MOB1B: variants seen among roughly 807,000 people sequenced by gnomAD.
MOB1B encodes MOB kinase activator 1B, also known as MOB1 Mps One Binder homolog B.
A neutral mutation model predicts 24.4 loss-of-function variants in MOB1B; 19 were observed. That is an observed-to-expected ratio of 0.78 (90% CI 0.54 to 1.14). The LOEUF (loss-of-function observed/expected upper bound fraction) is 1.14, where lower values mean the gene tolerates loss of function less well. Ranked by LOEUF, MOB1B falls within the 50% of genes most tolerant of loss-of-function variation. The pLI is 0.00. For missense variants in MOB1B, 243 were observed against 259.6 expected (o/e 0.94, Z 0.44); for synonymous variants, 76 against 82.1 (o/e 0.93, Z 0.40).
At chr4:70,938,828 A>G (rs1318172013) in intron 1 of MOB1B, among the ~76,000 whole-genome samples, 1 of 141,410 alleles carries the variant, frequency 7.1e-6, no homozygotes, top group Non-Finnish European at 1.5e-5. Flanking sequence ...CCCAGGCTGG[A>G]GTGCAATGGC....
intron 1 of MOB1B, among the ~76,000 whole-genome samples, chr4:70,946,084 C>CTTTTTTTTTTTTTTT (rs11331194): frequency 2.3e-5 from 2 of 85,394 alleles, no homozygotes; most frequent in Non-Finnish European, 4.8e-5. Context: ...TTTGTTTGTT[C>CTTTTTTTTTTTTTTT]TTTTTTTTTT....
In MOB1B at chr4:70,983,602, T is replaced by C. The variant is rs1237355509; in HGVS notation, c.*1545T>C. On this transcript the variant is annotated 3_prime_UTR_variant, in exon 6 of 6. Coordinates refer to ENST00000309395, the MANE Select transcript of MOB1B (RefSeq NM_173468.4). ...TCCTTCAGTTGAAACATATACCTTT[T>C]TCACATCTAGGAAGAAATGCTTGCT... is the stretch of plus-strand genomic sequence containing the variant. 1.3e-5 allele frequency: 2 copies of C among 152,556 alleles called. No homozygotes were observed. The highest frequency in any genetic ancestry group is 2.4e-5 in the African/African-American group (1 of 41,444). 9.5% of individuals were successfully genotyped at this position (152,556 alleles called of 1,614,324 possible).
intron 1 of MOB1B, among the ~76,000 whole-genome samples, chr4:70,920,851 G>A (rs576797909): frequency 1.3e-5 from 2 of 152,296 alleles, no homozygotes; most frequent in South Asian, 2.1e-4. Context: ...TAAAGTATCA[G>A]GAGGCCTAAA....
intron 1 of MOB1B, among the ~76,000 whole-genome samples, chr4:70,911,018 C>A (rs1421827949): frequency 1.3e-5 from 2 of 152,158 alleles, no homozygotes; most frequent in Non-Finnish European, 2.9e-5. Context: ...GAACTCCTGA[C>A]CTTGTGATCC....
intron 1 of MOB1B, among the ~76,000 whole-genome samples, chr4:70,929,182 CTTTTTTTT>C (rs11362114): frequency 1.1e-5 from 1 of 95,134 alleles, no homozygotes; most frequent in African/African-American, 3.4e-5. Flanking sequence ...TTCTTTCTTT[CTTTTTTTT>C]TTTTTTTTTT....
At position 70,985,547 on chromosome 4, in the gene MOB1B, GGAGTCTT is replaced by G. The variant is rs908775971; in HGVS notation, c.*3492_*3498del. On this transcript the variant is annotated 3_prime_UTR_variant, in exon 6 of 6. Coordinates refer to ENST00000309395, the MANE Select transcript of MOB1B (RefSeq NM_173468.4). ...TTTTTTATTTTTATTTCTTTAAGAT[GGAGTCTT>G]GCTCTGTTGCCCGGGCTGGAGTACA... 3 of 151,264 alleles carry G rather than the reference GGAGTCTT, an allele frequency of 2.0e-5. No individual in the cohort carries two copies. The highest frequency in any genetic ancestry group is 7.3e-5 in the African/African-American group (3 of 41,120). The allele number at this position is 151,264 out of a possible 1,614,324, so 9.4% of individuals were successfully genotyped here.
chr4:70,958,341 A>G (rs189507166), intron 1 of MOB1B, among the ~76,000 whole-genome samples: 23 of 151,494 alleles, frequency 1.5e-4, no homozygotes, highest in Admixed American at 3.3e-4. Flanking sequence ...ATTTTTTTGC[A>G]TTTTTAGTAG....
At chr4:70,954,063 CA>C (rs1553937194) in intron 1 of MOB1B, among the ~76,000 whole-genome samples, 2 of 152,064 alleles carry the variant, frequency 1.3e-5, no homozygotes, top group South Asian at 2.1e-4. Context: ...AGCACCCCCC[CA>C]AAAAAAGAAA....
chr4:70,910,729 A>G (rs900138793), intron 1 of MOB1B, among the ~76,000 whole-genome samples: 6 of 152,010 alleles, frequency 3.9e-5, no homozygotes, highest in Admixed American at 2.0e-4. Context: ...AATAAAAATC[A>G]CTCATAATCA....
At position 70,907,371 on chromosome 4, in the gene MOB1B, T is replaced by C. The variant is rs572966944; in HGVS notation, c.14+4821T>C. 7.4e-4 allele frequency among the ~76,000 whole-genome samples: 112 copies of C among 152,270 alleles called. 2 individuals carry two copies. Among genetic ancestry groups the C allele is most frequent in the African/African-American group, 2.2e-3 (90 of 41,552 alleles). ...CATTCAAAAAGTATATTTCATGTTC[T>C]CTTAAGTTTCTAGCATTTTTAAATT... On this transcript the variant is annotated intron_variant, in intron 1 of 5. Coordinates refer to ENST00000309395, the MANE Select transcript of MOB1B (RefSeq NM_173468.4).
chr4:70,983,971 A>C lies in MOB1B; in HGVS notation c.*1914A>C, dbSNP rs1235411650. 6.6e-6 allele frequency: 1 copy of C among 152,560 alleles called. No individual in the cohort carries two copies. The highest frequency in any genetic ancestry group is 1.5e-5 in the Non-Finnish European group (1 of 67,964). The allele number at this position is 152,560 out of a possible 1,614,324, so 9.5% of individuals were successfully genotyped here. On this transcript the variant is annotated 3_prime_UTR_variant, in exon 6 of 6. Transcript: ENST00000309395. ...AAATAAAATTTGTGAGGTGATTTTG[A>C]ATCTTGTCCATATAGGAAAATGAAG...
At chr4:70,907,049 A>T (rs1379900216) in intron 1 of MOB1B, among the ~76,000 whole-genome samples, 1 of 152,218 alleles carries the variant, frequency 6.6e-6, no homozygotes, top group African/African-American at 2.4e-5. Flanking sequence ...ACAAGGGGAA[A>T]TGGGAGAGTA....
intron 3 of MOB1B, among the ~76,000 whole-genome samples, chr4:70,974,214 G>C (rs1002188652): frequency 1.3e-5 from 2 of 151,828 alleles, no homozygotes; most frequent in African/African-American, 4.8e-5. Context: ...GCTGGAATGG[G>C]CACCATCTTG....
chr4:70,928,857 A>G (rs141911441), intron 1 of MOB1B, among the ~76,000 whole-genome samples: 68 of 151,788 alleles, frequency 4.5e-4, no homozygotes, highest in African/African-American at 1.6e-3. Flanking sequence ...CAAAATGCCG[A>G]TATTACTGGC....
At chr4:70,950,158 G>T (rs764641592) in intron 1 of MOB1B, among the ~76,000 whole-genome samples, 1 of 152,042 alleles carries the variant, frequency 6.6e-6, no homozygotes, top group South Asian at 2.1e-4. Context: ...GCTTTAGGCC[G>T]AGTGCTGTGG....
intron 1 of MOB1B, among the ~76,000 whole-genome samples, chr4:70,957,628 TGGAG>T (rs1363255056): frequency 6.6e-6 from 1 of 152,002 alleles, no homozygotes; most frequent in Non-Finnish European, 1.5e-5. Context: ...TTTTTAGAGA[TGGAG>T]GGAGTCTCAT....
At chr4:70,937,261 T>C (rs1376381367) in intron 1 of MOB1B, among the ~76,000 whole-genome samples, 2 of 151,842 alleles carry the variant, frequency 1.3e-5, no homozygotes, top group African/African-American at 4.8e-5. Flanking sequence ...ATCTTTTATA[T>C]GGGACTTCTT....
chr4:70,953,186 G>T (rs1027950308), intron 1 of MOB1B, among the ~76,000 whole-genome samples: 1 of 151,886 alleles, frequency 6.6e-6, no homozygotes, highest in South Asian at 2.1e-4. Flanking sequence ...TGATCTGCCC[G>T]CCTCATCCTC....
chr4:70,982,031 G>T lies in MOB1B; in HGVS notation c.625G>T (p.Glu209Ter). 1 of 1,612,384 alleles carries T rather than the reference G, an allele frequency of 6.2e-7. No individual in the cohort carries two copies. Among genetic ancestry groups the T allele is most frequent in the Non-Finnish European group, 8.5e-7 (1 of 1,178,776 alleles). Residue 209 changes from glutamate to a stop codon, truncating the protein, a stop_gained, in exon 6 of 6, where the codon GAA becomes TAA. Transcript: ENST00000309395. LOFTEE classifies it high-confidence loss of function. The part of the protein sequence containing the change: ...RELAPLQELI[E>*]KLTSKDR The stretch of plus-strand genomic sequence containing the variant: ...ACTTGCACCACTCCAAGAACTGATT[G>T]AAAAACTCACCTCAAAAGACAGATA...
Sources: gnomAD v4.1 joint callset for allele counts (sites outside exome capture counted in the v4.1 genomes callset) on GRCh38, gnomAD v4.1.1 for gene constraint, MANE v1.5 for transcripts, NCBI Gene and HGNC (gene_info 2026-07-23, HGNC 2026-07-21) for gene names.